Variants in NCAM2 observed in about 807,000 individuals in gnomAD.
The protein encoded by NCAM2 is neural cell adhesion molecule 2, also known as N-CAM-2.
A neutral mutation model predicts 98.1 loss-of-function variants in NCAM2; 30 were observed. That is an observed-to-expected ratio of 0.31 (90% confidence interval 0.23 to 0.41). NCAM2 has a LOEUF of 0.41. Among genes scored for constraint, NCAM2 ranks in the 10% least tolerant of loss-of-function variants. The pLI, the probability that NCAM2 is intolerant of heterozygous loss-of-function variation, is 1.00. For synonymous variants in NCAM2, 368 were observed against 342.4 expected, an observed-to-expected ratio of 1.07 and a Z score of -0.83; for missense variants, 867 against 1,005.8, an observed-to-expected ratio of 0.86 and a Z score of 1.87.
rs191116334 is a variant in NCAM2, at chr21:21,456,411, A to G, written c.1655-10195A>G. Among the ~76,000 whole-genome samples the G allele has an allele frequency of 2.0e-5, 3 of 152,320 alleles. No homozygotes were observed. The East Asian group carries it at 5.8e-4, about 29-fold the overall frequency. ...AATTTGCTCCTGTGAACTATAAGGA[A>G]AATGCTGAATTGTATTCATTTTATA... On this transcript the variant is annotated intron_variant, in intron 12 of 17. Transcript: ENST00000400546.
At chr21:21,381,772 A>T (rs1028674240) in intron 9 of NCAM2, among the ~76,000 whole-genome samples, 1 of 152,176 alleles carries the variant, frequency 6.6e-6, no homozygotes, top group Non-Finnish European at 1.5e-5. Context: ...GAACTAAAAA[A>T]ATATTTTATA....
chr21:21,316,469 G>A (rs551847962), intron 5 of NCAM2, among the ~76,000 whole-genome samples: 2 of 148,174 alleles, frequency 1.3e-5, no homozygotes, highest in Non-Finnish European at 3.0e-5. Context: ...AAAATGACCA[G>A]TTTTAAAAAC....
intron 1 of NCAM2, among the ~76,000 whole-genome samples, chr21:21,157,555 T>C (rs893732167): frequency 1.3e-5 from 2 of 152,174 alleles, no homozygotes; most frequent in Non-Finnish European, 2.9e-5. Flanking sequence ...TCTTTGTACA[T>C]TGTCAAATAA....
At position 21,213,955 on chromosome 21, in the gene NCAM2, C is replaced by T. The variant is rs545499043; in HGVS notation, c.56-66623C>T. ...TGAATATTTAACAACCGTATTTTGA[C>T]GGTTGACACTAAGTACACATTTTTT... On this transcript the variant is annotated intron_variant, in intron 1 of 17. Transcript: ENST00000400546. Among the ~76,000 whole-genome samples, 3 of 152,230 alleles carry T rather than the reference C, an allele frequency of 2.0e-5. No homozygotes were observed. In the East Asian group the frequency reaches 5.8e-4, roughly 29 times the overall value.
intron 1 of NCAM2, among the ~76,000 whole-genome samples, chr21:21,233,782 G>C (rs2070718186): frequency 6.6e-6 from 1 of 151,572 alleles, no homozygotes; most frequent in Admixed American, 6.6e-5. Flanking sequence ...GTAGTAATTT[G>C]GGTCATAATA....
intron 1 of NCAM2, among the ~76,000 whole-genome samples, chr21:21,202,228 T>C (rs2069252279): frequency 6.6e-6 from 1 of 152,070 alleles, no homozygotes. Flanking sequence ...TTTACCACCA[T>C]ATAAATCTGG....
chr21:21,167,664 TTA>T (rs1416073528), intron 1 of NCAM2, among the ~76,000 whole-genome samples: 1 of 152,136 alleles, frequency 6.6e-6, no homozygotes, highest in Non-Finnish European at 1.5e-5. Flanking sequence ...CTTATGGACA[TTA>T]AAATCATAAA....
chr21:21,404,800 GTATA>G (rs1416430748), intron 9 of NCAM2, among the ~76,000 whole-genome samples: 2 of 151,316 alleles, frequency 1.3e-5, no homozygotes, highest in African/African-American at 4.9e-5. Flanking sequence ...GTACATATAT[GTATA>G]TATTCACTCA....
intron 1 of NCAM2, among the ~76,000 whole-genome samples, chr21:21,102,362 ATAATT>A (rs1468564153): frequency 1.3e-5 from 2 of 152,066 alleles, no homozygotes; most frequent in African/African-American, 2.4e-5. Context: ...TGACAACTTG[ATAATT>A]TAATGTAGTT....
intron 1 of NCAM2, among the ~76,000 whole-genome samples, chr21:21,175,546 A>T (rs575977841): frequency 2.6e-4 from 40 of 152,216 alleles, no homozygotes; most frequent in African/African-American, 7.7e-4. Flanking sequence ...AAAAATAAAA[A>T]AAAATAAAAT....
rs2066325811 is a variant in NCAM2, at chr21:21,105,483, A to T, written c.55+106865A>T. 3.3e-5 allele frequency among the ~76,000 whole-genome samples: 5 copies of T among 152,260 alleles called. No individual in the cohort carries two copies. The South Asian group carries it at 1.0e-3, about 32-fold the overall frequency. On this transcript the variant is annotated intron_variant, in intron 1 of 17. Coordinates refer to ENST00000400546, the MANE Select transcript of NCAM2 (RefSeq NM_004540.5). Reference sequence around the variant, plus strand: ...AGAGTTCTGCGATGCAATGGAAGACAGAACTGGCCATAAATATGGGTATCC... The same window carrying T: ...AGAGTTCTGCGATGCAATGGAAGACTGAACTGGCCATAAATATGGGTATCC...
At chr21:21,106,678 A>G (rs1419742100) in intron 1 of NCAM2, among the ~76,000 whole-genome samples, 1 of 151,816 alleles carries the variant, frequency 6.6e-6, no homozygotes, top group African/African-American at 2.4e-5. Flanking sequence ...AGAAGAAAAA[A>G]TCATGAGAAT....
intron 12 of NCAM2, among the ~76,000 whole-genome samples, chr21:21,454,060 A>G (rs989705705): frequency 2.0e-5 from 3 of 152,034 alleles, no homozygotes; most frequent in Non-Finnish European, 4.4e-5. Context: ...AAATTAATTG[A>G]TCTAACTTTG....
At position 21,280,561 on chromosome 21, in the gene NCAM2, T is replaced by G. The variant is rs2072892628; in HGVS notation, c.56-17T>G. Reference sequence around the variant, plus strand: ...CGCTTAAAAATCACCATTAATTGTTTCCCAATTTTTTTTCAGCTCTTCTTC... The same window carrying G: ...CGCTTAAAAATCACCATTAATTGTTGCCCAATTTTTTTTCAGCTCTTCTTC... On this transcript the variant is annotated splice_polypyrimidine_tract_variant and intron_variant, in intron 1 of 17. Transcript: ENST00000400546. 6.4e-7 allele frequency: 1 copy of G among 1,558,554 alleles called. No individual in the cohort carries two copies. Among genetic ancestry groups the G allele is most frequent in the South Asian group, 1.2e-5 (1 of 86,042 alleles).
chr21:21,090,564 C>G (rs1235797369), intron 1 of NCAM2, among the ~76,000 whole-genome samples: 1 of 152,166 alleles, frequency 6.6e-6, no homozygotes, highest in Admixed American at 6.6e-5. Context: ...TATAATGCTG[C>G]CTGCCTTCAC....
chr21:21,339,471 T>C (rs905681452), intron 8 of NCAM2, among the ~76,000 whole-genome samples: 2 of 152,058 alleles, frequency 1.3e-5, no homozygotes, highest in African/African-American at 4.8e-5. Context: ...AAGGAAAAGA[T>C]GGTGAAATAT....
rs182457516 is a variant in NCAM2, at chr21:21,306,354, G to A, written c.619+14113G>A. On this transcript the variant is annotated intron_variant, in intron 5 of 17. Coordinates refer to ENST00000400546, the MANE Select transcript of NCAM2 (RefSeq NM_004540.5). ...TCAGTTTATTCTCCATGTATTTTAA[G>A]CTCTCTTATTATATAGATAAAAGTT... Among the ~76,000 whole-genome samples, 516 of 152,026 alleles carry A rather than the reference G, an allele frequency of 3.4e-3. 1 individual carries two copies. Among genetic ancestry groups the A allele is most frequent in the African/African-American group, 0.012 (496 of 41,502 alleles).
intron 1 of NCAM2, among the ~76,000 whole-genome samples, chr21:21,209,464 G>A (rs2069564276): frequency 6.6e-6 from 1 of 152,114 alleles, no homozygotes; most frequent in Non-Finnish European, 1.5e-5. Context: ...CCAAAGTGGT[G>A]GGGTTACAGG....
At chr21:21,005,519 A>G (rs1222349732) in intron 1 of NCAM2, among the ~76,000 whole-genome samples, 1 of 152,168 alleles carries the variant, frequency 6.6e-6, no homozygotes, top group Non-Finnish European at 1.5e-5. Flanking sequence ...AAAAATGTCA[A>G]TAAATTTGAA....
Sources: gnomAD v4.1 joint callset for allele counts (sites outside exome capture counted in the v4.1 genomes callset) on GRCh38, gnomAD v4.1.1 for gene constraint, MANE v1.5 for transcripts, NCBI Gene and HGNC (gene_info 2026-07-23, HGNC 2026-07-21) for gene names.